LSAMP: variants seen among roughly 807,000 people sequenced by gnomAD.
The protein encoded by LSAMP is limbic system associated membrane protein, also known as limbic system-associated membrane protein.
In LSAMP, 7 loss-of-function variants were observed where a neutral mutation model predicts 38.6. The observed-to-expected ratio is 0.18, with a 90% CI of 0.10 to 0.34. LSAMP has a LOEUF of 0.34. Among genes scored for constraint, LSAMP ranks in the 10% least tolerant of loss-of-function variants. The pLI, the probability that LSAMP is intolerant of heterozygous loss-of-function variation, is 1.00. For missense variants in LSAMP, 313 were observed against 420.0 expected, an observed-to-expected ratio of 0.75 and a Z score of 2.23; for synonymous variants, 154 against 166.8, an observed-to-expected ratio of 0.92 and a Z score of 0.59.
intron 2 of LSAMP, among the ~76,000 whole-genome samples, chr3:116,062,564 G>A (rs1941612985): frequency 6.6e-6 from 1 of 151,940 alleles, no homozygotes; most frequent in Non-Finnish European, 1.5e-5. Flanking sequence ...GAAATCCAAA[G>A]TGCAGGAGGG....
intron 1 of LSAMP, among the ~76,000 whole-genome samples, chr3:116,129,339 C>CA (rs1361893969): frequency 6.6e-6 from 1 of 151,872 alleles, no homozygotes; most frequent in Non-Finnish European, 1.5e-5. Flanking sequence ...ATCCTCGGGC[C>CA]AAAAAAGACA....
intron 2 of LSAMP, among the ~76,000 whole-genome samples, chr3:116,077,341 C>A (rs1413865959): frequency 6.6e-6 from 1 of 151,812 alleles, no homozygotes; most frequent in Non-Finnish European, 1.5e-5. Context: ...CTATACTTAG[C>A]TCACTAAATT....
chr3:116,227,951 A>T (rs953182192), intron 1 of LSAMP, among the ~76,000 whole-genome samples: 1 of 152,162 alleles, frequency 6.6e-6, no homozygotes, highest in Non-Finnish European at 1.5e-5. Context: ...CAGGGCCGTA[A>T]CTATTTAAAT....
Position 116,399,902 on chromosome 3 carries a change from G to A in LSAMP, c.155+44975C>T, listed in dbSNP as rs571358351. ...AAGACACAGCAAGAGACTGTATTCA[G>A]AGTGCTGGGTGTGTGTGTTTCTGAG... On this transcript the variant is annotated intron_variant, in intron 1 of 6. Coordinates refer to ENST00000490035, the MANE Select transcript of LSAMP (RefSeq NM_002338.5). Among the ~76,000 whole-genome samples, 10 of 152,304 alleles carry A rather than the reference G, an allele frequency of 6.6e-5. No homozygotes were observed. In the South Asian group the frequency reaches 2.1e-3, roughly 32 times the overall value.
chr3:116,228,241 TAAATC>T (rs144445320), intron 1 of LSAMP, among the ~76,000 whole-genome samples: 1,948 of 152,222 alleles, frequency 0.013, 39 homozygotes, highest in African/African-American at 0.043. Context: ...TACTTATTGA[TAAATC>T]AATATTGCTA....
intron 6 of LSAMP, among the ~76,000 whole-genome samples, chr3:115,830,863 C>T (rs911354768): frequency 6.6e-6 from 1 of 152,164 alleles, no homozygotes; most frequent in Non-Finnish European, 1.5e-5. Flanking sequence ...GGCAGGTACG[C>T]CCTCTCCTCT....
At chr3:116,136,170 T>G (rs1040129636) in intron 1 of LSAMP, among the ~76,000 whole-genome samples, 1 of 152,180 alleles carries the variant, frequency 6.6e-6, no homozygotes, top group Non-Finnish European at 1.5e-5. Flanking sequence ...TATCAATAAT[T>G]GTAATATCTG....
At chr3:116,349,746 C>T (rs1022513038) in intron 1 of LSAMP, among the ~76,000 whole-genome samples, 3 of 151,838 alleles carry the variant, frequency 2.0e-5, no homozygotes, top group Admixed American at 1.3e-4. Flanking sequence ...GCAATGTAGT[C>T]ACACGCCTGG....
chr3:116,313,480 A>G (rs17646114), intron 1 of LSAMP, among the ~76,000 whole-genome samples: 7,996 of 152,262 alleles, frequency 0.053, 286 homozygotes, highest in Non-Finnish European at 0.079. Flanking sequence ...TGCCCTCTCA[A>G]TAATCTCTGG....
chr3:116,282,132 C>T (rs2047134576), intron 1 of LSAMP, among the ~76,000 whole-genome samples: 1 of 152,146 alleles, frequency 6.6e-6, no homozygotes, highest in African/African-American at 2.4e-5. Context: ...ACAGACTGCG[C>T]TCATGCTGGG....
At chr3:116,284,101 C>A (rs1220123156) in intron 1 of LSAMP, among the ~76,000 whole-genome samples, 1 of 152,082 alleles carries the variant, frequency 6.6e-6, no homozygotes, top group East Asian at 1.9e-4. Context: ...GAGGAGAAGA[C>A]CAGGATGCAT....
intron 2 of LSAMP, among the ~76,000 whole-genome samples, chr3:116,027,112 C>T (rs1360706266): frequency 2.6e-5 from 4 of 151,992 alleles, no homozygotes; most frequent in African/African-American, 9.7e-5. Context: ...GTTGTTTATC[C>T]CAAATCCAAA....
At chr3:116,039,357 C>A (rs1409637579) in intron 2 of LSAMP, among the ~76,000 whole-genome samples, 2 of 152,196 alleles carry the variant, frequency 1.3e-5, no homozygotes, top group African/African-American at 2.4e-5. Context: ...GGGGATGAGA[C>A]CCTGCTTATA....
At position 116,088,740 on chromosome 3, in the gene LSAMP, A is replaced by T. The variant is rs7637650; in HGVS notation, c.156-2184T>A. Among the ~76,000 whole-genome samples, 3 of 152,154 alleles carry T rather than the reference A, an allele frequency of 2.0e-5. No homozygotes were observed. The East Asian group carries it at 5.8e-4, about 29-fold the overall frequency. On this transcript the variant is annotated intron_variant, in intron 1 of 6. Transcript: ENST00000490035. ...AGATGTATTCTGAATGCCTCTTAGC[A>T]CCAAATATGGCTCCAATCTCTTCAC...
chr3:116,247,774 T>C (rs2046622854), intron 1 of LSAMP, among the ~76,000 whole-genome samples: 1 of 152,206 alleles, frequency 6.6e-6, no homozygotes, highest in Non-Finnish European at 1.5e-5. Context: ...ACTATTAATG[T>C]ACAGTTGAAT....
chr3:116,057,090 C>T lies in LSAMP; in HGVS notation c.388+29234G>A, dbSNP rs530724113. On this transcript the variant is annotated intron_variant, in intron 2 of 6. Coordinates refer to ENST00000490035, the MANE Select transcript of LSAMP (RefSeq NM_002338.5). The stretch of plus-strand genomic sequence containing the variant: ...GGCAACTGCTGTGACCTCTTCTTAA[C>T]AGCTTTTCCACTGAATGTCAAGATC... Among the ~76,000 whole-genome samples, 6 of 152,282 alleles carry T rather than the reference C, an allele frequency of 3.9e-5. No homozygotes were observed. In the South Asian group the frequency reaches 1.2e-3, roughly 32 times the overall value.
intron 1 of LSAMP, among the ~76,000 whole-genome samples, chr3:116,315,766 C>T (rs936461725): frequency 2.6e-4 from 39 of 152,282 alleles, no homozygotes; most frequent in Admixed American, 6.5e-5. Flanking sequence ...GAGGTGTGTA[C>T]TATTATTATC....
chr3:116,334,414 C>G (rs189167185), intron 1 of LSAMP, among the ~76,000 whole-genome samples: 90 of 152,192 alleles, frequency 5.9e-4, no homozygotes, highest in African/African-American at 2.1e-3. Context: ...ACACTGATAG[C>G]TAAGCCAGAC....
At chr3:116,170,929 G>T (rs1710182815) in intron 1 of LSAMP, among the ~76,000 whole-genome samples, 1 of 151,964 alleles carries the variant, frequency 6.6e-6, no homozygotes, top group Admixed American at 6.6e-5. Context: ...ATCCTGAGGT[G>T]CAAGAAAACC....
Sources: allele counts gnomAD v4.1 joint callset (sites outside exome capture counted in the v4.1 genomes callset), GRCh38; gene constraint gnomAD v4.1.1; transcripts MANE v1.5; gene names NCBI Gene and HGNC (gene_info 2026-07-23, HGNC 2026-07-21).